FBXL13: variants seen among roughly 807,000 people sequenced by gnomAD.
FBXL13 encodes F-box and leucine rich repeat protein 13.
A neutral mutation model predicts 83.6 loss-of-function variants in FBXL13; 67 were observed. The ratio of observed to expected loss-of-function variants is 0.80; its 90% CI spans 0.66 to 0.98. The LOEUF is 0.98. Ranked by LOEUF, FBXL13 falls within the 50% of genes least tolerant of loss-of-function variation. The probability of loss-of-function intolerance (pLI) is 0.00; values close to 1 mark genes in which losing one functional copy is unlikely to be tolerated. For synonymous variants in FBXL13, 272 were observed against 299.5 expected (o/e 0.91, Z 0.95); for missense variants, 822 against 866.5 (o/e 0.95, Z 0.64).
chr7:102,873,094 T>A (rs1349218798), intron 16 of FBXL13, among the ~76,000 whole-genome samples: 2 of 152,210 alleles, frequency 1.3e-5, no homozygotes, highest in African/African-American at 4.8e-5. Flanking sequence ...AATGTCTGGA[T>A]TTTTGCCTTT....
exon 2 of FBXL13, chr7:103,055,666 T>C (rs1013921006): frequency 1.3e-5 from 17 of 1,277,900 alleles, no homozygotes; most frequent in Non-Finnish European, 1.6e-5. Flanking sequence ...TGAAGACCAC[T>C]TTTGATTATA....
At chr7:103,073,159 T>G (rs544206457) in intron 1 of FBXL13, among the ~76,000 whole-genome samples, 3 of 152,238 alleles carry the variant, frequency 2.0e-5, no homozygotes, top group Non-Finnish European at 4.4e-5. Flanking sequence ...AGACATCTGT[T>G]ATTAACAGTT....
chr7:102,826,747 ATATATATATATATATATATATATATG>A (rs1421947358), intron 18 of FBXL13, among the ~76,000 whole-genome samples: 4 of 87,786 alleles, frequency 4.6e-5, no homozygotes, highest in Non-Finnish European at 7.9e-5. Flanking sequence ...ATATATATAT[ATATATATATATATATATATATATATG>A]TATATATATC....
At chr7:102,878,886 T>C (rs1298343712) in intron 14 of FBXL13, among the ~76,000 whole-genome samples, 3 of 152,200 alleles carry the variant, frequency 2.0e-5, no homozygotes, top group Non-Finnish European at 4.4e-5. Flanking sequence ...ATTTGCTGGA[T>C]AGGAAACCCA....
chr7:103,060,686 T>C (rs936007305), intron 1 of FBXL13, among the ~76,000 whole-genome samples: 2 of 152,234 alleles, frequency 1.3e-5, no homozygotes, highest in African/African-American at 4.8e-5. Context: ...GCTTTTTAGA[T>C]ACTCAGATAA....
intron 16 of FBXL13, chr7:102,874,262 C>T: frequency 1.3e-6 from 1 of 788,172 alleles, no homozygotes; most frequent in Non-Finnish European, 1.5e-6. Context: ...ATCAATCAGG[C>T]TGGTGTTTAG....
intron 9 of FBXL13, 26 bp from the exon 11 acceptor site, chr7:102,926,400 C>A: frequency 6.4e-7 from 1 of 1,571,224 alleles, no homozygotes; most frequent in Non-Finnish European, 8.7e-7. Flanking sequence ...AGGGAAGAGG[C>A]TTATCAAATT....
downstream of FBXL13, among the ~76,000 whole-genome samples, chr7:102,812,199 A>G (rs1165112739): frequency 6.6e-6 from 1 of 152,236 alleles, no homozygotes; most frequent in Non-Finnish European, 1.5e-5. Flanking sequence ...GTTACATAAT[A>G]TCAAATAATG....
In FBXL13 at chr7:102,970,261, A is replaced by T. The variant is rs556741277; in HGVS notation, c.496-2144T>A. Among the ~76,000 whole-genome samples the T allele has an allele frequency of 1.2e-4, 18 of 152,328 alleles. No individual in the cohort carries two copies. In the South Asian group the frequency reaches 3.5e-3, roughly 30 times the overall value. ...GCAAGACTCTGTCTCAAAAAATAAA[A>T]TAAAATAAAATCTCTCAAAGAATTT... On this transcript the variant is annotated intron_variant, in intron 6 of 19. Coordinates refer to ENST00000313221, the Ensembl canonical transcript of FBXL13.
At chr7:103,054,791 T>C (rs1326284743) in intron 2 of FBXL13, among the ~76,000 whole-genome samples, 2 of 152,126 alleles carry the variant, frequency 1.3e-5, no homozygotes, top group African/African-American at 4.8e-5. Context: ...TTCATCTTTA[T>C]AAAGATGCAC....
At chr7:102,924,265 A>G (rs1817640300) in intron 10 of FBXL13, among the ~76,000 whole-genome samples, 1 of 151,718 alleles carries the variant, frequency 6.6e-6, no homozygotes, top group African/African-American at 2.4e-5. Context: ...AAGTAAAACT[A>G]TGCTTAGCTT....
chr7:102,854,795 G>T, exon 17 of FBXL13: 1 of 1,581,578 alleles, frequency 6.3e-7, no homozygotes, highest in South Asian at 1.2e-5. Flanking sequence ...CATCATCAGT[G>T]ATTCTATAAC....
intron 4 of FBXL13, among the ~76,000 whole-genome samples, chr7:103,028,172 C>T (rs897334480): frequency 1.3e-5 from 2 of 152,036 alleles, no homozygotes; most frequent in Non-Finnish European, 2.9e-5. Flanking sequence ...TCAGTATAAC[C>T]CCCAAGGTCT....
chr7:102,914,107 C>T (rs1815327203), intron 10 of FBXL13, among the ~76,000 whole-genome samples: 1 of 152,230 alleles, frequency 6.6e-6, no homozygotes, highest in Non-Finnish European at 1.5e-5. Flanking sequence ...TGTTGCCCAG[C>T]TGGAGTACAA....
chr7:103,054,788 T>C (rs1797177682), intron 2 of FBXL13, among the ~76,000 whole-genome samples: 1 of 152,210 alleles, frequency 6.6e-6, no homozygotes, highest in South Asian at 2.1e-4. Context: ...ATTTTCATCT[T>C]TATAAAGATG....
At chr7:103,058,605 A>G (rs1483277261) in intron 1 of FBXL13, among the ~76,000 whole-genome samples, 2 of 152,170 alleles carry the variant, frequency 1.3e-5, no homozygotes, top group African/African-American at 2.4e-5. Flanking sequence ...CCTTTTCTCC[A>G]TCTTATTCTG....
At chr7:102,818,591 C>T (rs1274458334) in intron 19 of FBXL13, among the ~76,000 whole-genome samples, 3 of 152,104 alleles carry the variant, frequency 2.0e-5, no homozygotes, top group Non-Finnish European at 4.4e-5. Context: ...CAACACAGAT[C>T]TCCTAGAATG....
rs59375342 is a variant in FBXL13 at position 102,861,982 on chromosome 7, C to CAA, written c.1636-7124_1636-7123dup. On this transcript the variant is annotated intron_variant, in intron 16 of 19. Transcript: ENST00000313221. ...GGATGACAGAGTGAGACTGTGTCTC[C>CAA]AAAAAAAAAAAAAAAATTCACATCT... Among the ~76,000 whole-genome samples, 230 of 120,006 alleles carry CAA rather than the reference C, an allele frequency of 1.9e-3. 1 individual carries two copies. Among genetic ancestry groups the CAA allele is most frequent in the African/African-American group, 4.8e-3 (159 of 33,356 alleles). The allele number at this position is 120,006 out of a possible 152,430, so 78.7% of individuals were successfully genotyped here. A position where few individuals can be genotyped will look rare whatever the true frequency, so the allele number is the denominator to read the frequency against.
chr7:103,064,506 T>C (rs1798212689), intron 1 of FBXL13, among the ~76,000 whole-genome samples: 1 of 152,176 alleles, frequency 6.6e-6, no homozygotes, highest in Admixed American at 6.5e-5. Context: ...GTAATTGAGA[T>C]CCACTTACTG....
Sources: gnomAD v4.1 joint callset for allele counts (sites outside exome capture counted in the v4.1 genomes callset) on GRCh38, gnomAD v4.1.1 for gene constraint, MANE v1.5 for transcripts, NCBI Gene and HGNC (gene_info 2026-07-23, HGNC 2026-07-21) for gene names.